The following ROBO2 variants were observed in gnomAD, a reference collection of about 807,000 sequenced individuals.
ROBO2 encodes roundabout guidance receptor 2, also known as roundabout homolog 2.
ROBO2 carries 53 observed loss-of-function variants against 160.8 expected under a neutral mutation model. The observed-to-expected ratio is 0.33, with a 90% CI of 0.26 to 0.41. The LOEUF is 0.41. Among genes scored for constraint, ROBO2 ranks in the 10% least tolerant of loss-of-function variants. The pLI is 1.00. For synonymous variants in ROBO2, 664 were observed against 611.7 expected (o/e 1.09, Z -1.26); for missense variants, 1,577 against 1,722.4 (o/e 0.92, Z 1.49).
chr3:76,202,581 A>C (rs72630372), intron 2 of ROBO2, among the ~76,000 whole-genome samples: 6,997 of 152,278 alleles, frequency 0.046, 346 homozygotes, highest in East Asian at 0.22. Context: ...GAAGAGACCA[A>C]ATGTGTACAC....
rs896652291 is a variant in ROBO2 at position 76,163,129 on chromosome 3, T to C, written c.109+225527T>C. On this transcript the variant is annotated intron_variant, in intron 2 of 26. Coordinates refer to the ROBO2 transcript ENST00000487694. ...AGTGAAAATAATAATTGTTTTATCA[T>C]GTTTATCATTGTTTGTTGCATCTGA... is the stretch of plus-strand genomic sequence containing the variant. 3.3e-5 allele frequency among the ~76,000 whole-genome samples: 5 copies of C among 152,240 alleles called. No individual in the cohort carries two copies. The East Asian group carries it at 5.8e-4, about 18-fold the overall frequency.
At chr3:77,468,761 C>T (rs570688950) in intron 2 of ROBO2, among the ~76,000 whole-genome samples, 1 of 152,328 alleles carries the variant, frequency 6.6e-6, no homozygotes, top group South Asian at 2.1e-4. Flanking sequence ...CAACATGCTC[C>T]AATTCCTACC....
chr3:76,725,843 C>G (rs1386565175), intron 2 of ROBO2, among the ~76,000 whole-genome samples: 1 of 152,154 alleles, frequency 6.6e-6, no homozygotes. Context: ...GAGCAATGAG[C>G]CTTCGGAATC....
chr3:77,639,250 C>T (rs761164462), intron 24 of ROBO2, among the ~76,000 whole-genome samples: 1 of 152,094 alleles, frequency 6.6e-6, no homozygotes, highest in Non-Finnish European at 1.5e-5. Flanking sequence ...CACTCAAATA[C>T]TTATTAAGTA....
At chr3:76,608,895 A>G (rs1380656892) in intron 2 of ROBO2, among the ~76,000 whole-genome samples, 1 of 152,042 alleles carries the variant, frequency 6.6e-6, no homozygotes, top group African/African-American at 2.4e-5. Context: ...CACTGTATTC[A>G]ATATGTAGTC....
chr3:76,230,409 G>T (rs1704551412), intron 2 of ROBO2, among the ~76,000 whole-genome samples: 1 of 151,902 alleles, frequency 6.6e-6, no homozygotes, highest in Non-Finnish European at 1.5e-5. Context: ...TCCATTAATT[G>T]TCAAATTAAC....
chr3:76,485,626 C>A (rs1420365615), intron 2 of ROBO2, among the ~76,000 whole-genome samples: 1 of 152,094 alleles, frequency 6.6e-6, no homozygotes, highest in East Asian at 1.9e-4. Flanking sequence ...ATAGGTGTCA[C>A]CTGTTTTTTT....
At chr3:77,513,708 T>C (rs1311142896) in intron 5 of ROBO2, among the ~76,000 whole-genome samples, 1 of 151,814 alleles carries the variant, frequency 6.6e-6, no homozygotes, top group African/African-American at 2.4e-5. Context: ...GTTTTCGTTT[T>C]CTTTTTTTCT....
intron 2 of ROBO2, among the ~76,000 whole-genome samples, chr3:77,289,824 G>C (rs547601392): frequency 6.6e-6 from 1 of 151,974 alleles, no homozygotes; most frequent in South Asian, 2.1e-4. Context: ...AAAATTGACA[G>C]TTAAACAGGT....
Position 77,459,156 on chromosome 3 carries a change from A to G in ROBO2, c.389-18258A>G, listed in dbSNP as rs147729529. On this transcript the variant is annotated intron_variant, in intron 2 of 25. Coordinates refer to ENST00000461745, the Ensembl canonical transcript of ROBO2. Reference sequence around the variant, plus strand: ...ACAAGCTACTGGCTTTTTTCTGATCATTTGAATACATGAAATTTAGAAGTT... The same window carrying G: ...ACAAGCTACTGGCTTTTTTCTGATCGTTTGAATACATGAAATTTAGAAGTT... Among the ~76,000 whole-genome samples the G allele has an allele frequency of 3.3e-5, 5 of 152,344 alleles. No homozygotes were observed. The East Asian group carries it at 9.6e-4, about 29-fold the overall frequency.
intron 2 of ROBO2, among the ~76,000 whole-genome samples, chr3:76,005,521 A>G (rs997057689): frequency 1.3e-5 from 2 of 152,208 alleles, no homozygotes; most frequent in African/African-American, 4.8e-5. Flanking sequence ...GAATGTGCCA[A>G]TAAACCATAA....
intron 2 of ROBO2, among the ~76,000 whole-genome samples, chr3:76,055,724 T>TA (rs974716804): frequency 1.3e-5 from 2 of 152,042 alleles, no homozygotes; most frequent in Non-Finnish European, 2.9e-5. Flanking sequence ...ACTTTTTTTT[T>TA]ATCTAATCAA....
intron 2 of ROBO2, among the ~76,000 whole-genome samples, chr3:76,717,582 CG>C (rs1461151492): frequency 1.3e-5 from 2 of 151,868 alleles, no homozygotes; most frequent in Non-Finnish European, 2.9e-5. Flanking sequence ...ATTTGCACCA[CG>C]GAATATCAGC....
intron 2 of ROBO2, among the ~76,000 whole-genome samples, chr3:76,988,993 A>G (rs895385717): frequency 6.6e-6 from 1 of 152,150 alleles, no homozygotes; most frequent in Non-Finnish European, 1.5e-5. Context: ...CAGTTTGTAG[A>G]AGAAACATTT....
intron 13 of ROBO2, among the ~76,000 whole-genome samples, chr3:77,572,964 G>T (rs977008679): frequency 6.6e-6 from 1 of 151,848 alleles, no homozygotes; most frequent in East Asian, 1.9e-4. Flanking sequence ...CTTGGATAAA[G>T]AAATTTGTTT....
intron 2 of ROBO2, among the ~76,000 whole-genome samples, chr3:76,115,133 G>T (rs1215013998): frequency 6.6e-6 from 1 of 152,042 alleles, no homozygotes; most frequent in Non-Finnish European, 1.5e-5. Flanking sequence ...AGATCCAAAG[G>T]AAAAGAACAC....
chr3:76,319,309 A>C (rs2072311352), intron 2 of ROBO2, among the ~76,000 whole-genome samples: 1 of 152,094 alleles, frequency 6.6e-6, no homozygotes, highest in Non-Finnish European at 1.5e-5. Flanking sequence ...TTCTTGACTT[A>C]CTCCACACTG....
intron 1 of ROBO2, 63 bp downstream of exon 1, chr3:77,040,909 T>C (rs2064020800): frequency 1.3e-6 from 2 of 1,555,176 alleles, no homozygotes; most frequent in Non-Finnish European, 1.8e-6. Flanking sequence ...CAAAACCATT[T>C]CTTTTTGAAT....
At chr3:76,909,162 G>C (rs1166340343) in intron 2 of ROBO2, among the ~76,000 whole-genome samples, 2 of 152,186 alleles carry the variant, frequency 1.3e-5, no homozygotes, top group African/African-American at 4.8e-5. Context: ...CAGGGTTTGA[G>C]GTTGCAGTGA....
Sources: gnomAD v4.1 joint callset for allele counts (sites outside exome capture counted in the v4.1 genomes callset) on GRCh38, gnomAD v4.1.1 for gene constraint, MANE v1.5 for transcripts, NCBI Gene and HGNC (gene_info 2026-07-23, HGNC 2026-07-21) for gene names.